GALNT17: variants seen among roughly 807,000 people sequenced by gnomAD.
GALNT17 encodes the protein polypeptide N-acetylgalactosaminyltransferase 17.
Under a neutral mutation model 63.7 loss-of-function variants are expected in GALNT17, and 29 were observed. The ratio of observed to expected loss-of-function variants is 0.46; its 90% CI spans 0.34 to 0.62. GALNT17 has a LOEUF of 0.62. GALNT17 is among the 20% of genes least tolerant of loss of function. The pLI is 0.01. For synonymous variants in GALNT17, 305 were observed against 318.3 expected (o/e 0.96, Z 0.45); for missense variants, 603 against 799.6 (o/e 0.75, Z 2.97).
intron 5 of GALNT17, among the ~76,000 whole-genome samples, chr7:71,569,034 C>G (rs1172644556): frequency 6.6e-6 from 1 of 152,096 alleles, no homozygotes; most frequent in African/African-American, 2.4e-5. Context: ...TGCAGTGGTG[C>G]GATCTCAGCT....
At chr7:71,570,253 T>C (rs1406815109) in intron 5 of GALNT17, among the ~76,000 whole-genome samples, 2 of 152,162 alleles carry the variant, frequency 1.3e-5, no homozygotes, top group East Asian at 3.9e-4. Flanking sequence ...GTGCTCTCTT[T>C]GTCTCTCCTG....
At chr7:71,427,204 C>T (rs973846161) in intron 5 of GALNT17, among the ~76,000 whole-genome samples, 1 of 151,252 alleles carries the variant, frequency 6.6e-6, no homozygotes. Context: ...CTCAGCCTAC[C>T]AAGTAGCTGG....
At chr7:71,422,355 A>G (rs542297309) in intron 5 of GALNT17, among the ~76,000 whole-genome samples, 1 of 152,330 alleles carries the variant, frequency 6.6e-6, no homozygotes, top group Non-Finnish European at 1.5e-5. Context: ...TTCTGGGACC[A>G]TACAAGAATC....
Position 71,712,169 on chromosome 7 carries a change from A to G in GALNT17, c.*23A>G, listed in dbSNP as rs1791804925. On this transcript the variant is annotated 3_prime_UTR_variant, in exon 11 of 11. Transcript: ENST00000333538. Reference sequence around the variant, plus strand: ...TAGAGGGAGGGAGCTGGGGCACTGGAGCCTGGCCCCCAGGACATGGCTGCT... The same window carrying G: ...TAGAGGGAGGGAGCTGGGGCACTGGGGCCTGGCCCCCAGGACATGGCTGCT... 1 of 1,605,816 alleles carries G rather than the reference A, an allele frequency of 6.2e-7. No individual in the cohort carries two copies. Among genetic ancestry groups the G allele is most frequent in the Middle Eastern group, 1.7e-4 (1 of 5,872 alleles).
At chr7:71,701,830 C>T (rs201391342) in intron 9 of GALNT17, among the ~76,000 whole-genome samples, 14 of 23,688 alleles carry the variant, frequency 5.9e-4, no homozygotes, top group South Asian at 7.7e-3. Flanking sequence ...TATATATACA[C>T]ATATATATAT....
At chr7:71,525,992 G>T (rs990862893) in intron 5 of GALNT17, among the ~76,000 whole-genome samples, 1 of 151,736 alleles carries the variant, frequency 6.6e-6, no homozygotes, top group African/African-American at 2.4e-5. Context: ...CACCTGCCTC[G>T]GCCTCCCAAA....
At chr7:71,418,918 C>T (rs1286356140) in intron 4 of GALNT17, among the ~76,000 whole-genome samples, 3 of 152,026 alleles carry the variant, frequency 2.0e-5, no homozygotes, top group South Asian at 4.2e-4. Flanking sequence ...GCCAACATGG[C>T]GAAACCCTGT....
intron 6 of GALNT17, among the ~76,000 whole-genome samples, chr7:71,587,299 A>G (rs545762595): frequency 6.6e-6 from 1 of 152,290 alleles, no homozygotes; most frequent in African/African-American, 2.4e-5. Flanking sequence ...AAGTGCTGAA[A>G]TAACAGGTGT....
chr7:71,624,667 A>G (rs976772017), intron 6 of GALNT17, among the ~76,000 whole-genome samples: 1 of 152,218 alleles, frequency 6.6e-6, no homozygotes, highest in African/African-American at 2.4e-5. Flanking sequence ...GATTTTTACT[A>G]TGTTGGAAAT....
intron 6 of GALNT17, among the ~76,000 whole-genome samples, chr7:71,639,555 G>A (rs1047471627): frequency 3.9e-5 from 6 of 152,150 alleles, no homozygotes; most frequent in African/African-American, 1.4e-4. Context: ...CGCCTCCAGG[G>A]AGTGAAGCTG....
chr7:71,568,744 C>G (rs1286290839), intron 5 of GALNT17, among the ~76,000 whole-genome samples: 1 of 152,058 alleles, frequency 6.6e-6, no homozygotes, highest in African/African-American at 2.4e-5. Context: ...AGTCTGGAAA[C>G]AGAGGCAAAA....
chr7:71,261,932 A>T (rs529390254), intron 1 of GALNT17, among the ~76,000 whole-genome samples: 1 of 152,266 alleles, frequency 6.6e-6, no homozygotes, highest in Admixed American at 6.5e-5. Context: ...CAGCTGCCAG[A>T]GGTGACGAGC....
chr7:71,224,162 C>T (rs1021395064), intron 1 of GALNT17, among the ~76,000 whole-genome samples: 6 of 152,134 alleles, frequency 3.9e-5, no homozygotes, highest in African/African-American at 9.7e-5. Flanking sequence ...TCAAGTGATT[C>T]TCCTGCCTTA....
chr7:71,617,298 T>C (rs1004154299), intron 6 of GALNT17, among the ~76,000 whole-genome samples: 2 of 146,474 alleles, frequency 1.4e-5, no homozygotes, highest in Admixed American at 7.0e-5. Context: ...TTTGGTTTTT[T>C]TTTTGCAGGG....
In GALNT17 at chr7:71,132,331, G is replaced by A. The variant is rs1787694415; in HGVS notation, c.-472G>A. ...TGCGGGCCAAGGTGGGAGGCTGTGCGGCCCCAGGCGCGGCGCGCTCCGCCG... is the reference window on the plus strand; with the variant it reads ...TGCGGGCCAAGGTGGGAGGCTGTGCAGCCCCAGGCGCGGCGCGCTCCGCCG... On this transcript the variant is annotated 5_prime_UTR_variant, in exon 1 of 11. Transcript: ENST00000333538. The A allele has an allele frequency of 6.6e-6, 1 of 151,852 alleles. No individual in the cohort carries two copies. Among genetic ancestry groups the A allele is most frequent in the African/African-American group, 2.4e-5 (1 of 41,414 alleles). The allele number at this position is 151,852 out of a possible 1,614,324, so 9.4% of individuals were successfully genotyped here. A position where few individuals can be genotyped will look rare whatever the true frequency, so the allele number is the denominator to read the frequency against.
intron 1 of GALNT17, 141 bp from the exon 2 acceptor site, chr7:71,335,403 GCCTATA>G: frequency 1.3e-6 from 1 of 769,498 alleles, no homozygotes; most frequent in Non-Finnish European, 1.9e-6. Flanking sequence ...TGTTTTCAGG[GCCTATA>G]CCTGAGTTGG....
chr7:71,338,345 TAAAAAATAAATAA>T (rs1330578274), intron 2 of GALNT17, among the ~76,000 whole-genome samples: 1 of 138,826 alleles, frequency 7.2e-6, no homozygotes, highest in Non-Finnish European at 1.6e-5. Flanking sequence ...AATAAATAAA[TAAAAAATAAATAA>T]ATATATATAT....
intron 2 of GALNT17, among the ~76,000 whole-genome samples, chr7:71,337,498 C>G (rs1305615164): frequency 6.6e-6 from 1 of 152,114 alleles, no homozygotes; most frequent in Non-Finnish European, 1.5e-5. Flanking sequence ...ATACTGGGTA[C>G]TAGCATGTAA....
chr7:71,323,682 T>C (rs951453917), intron 1 of GALNT17, among the ~76,000 whole-genome samples: 7 of 152,220 alleles, frequency 4.6e-5, no homozygotes, highest in African/African-American at 1.7e-4. Context: ...GCTTACCCAT[T>C]TCTGACATGT....
Sources: allele counts gnomAD v4.1 joint callset (sites outside exome capture counted in the v4.1 genomes callset), GRCh38; gene constraint gnomAD v4.1.1; transcripts MANE v1.5; gene names NCBI Gene and HGNC (gene_info 2026-07-23, HGNC 2026-07-21).